Variants in ATP13A4 observed in about 807,000 individuals in gnomAD.
The protein encoded by ATP13A4 is ATPase 13A4, also known as probable cation-transporting ATPase 13A4.
Under a neutral mutation model 142.5 loss-of-function variants are expected in ATP13A4, and 114 were observed. The observed-to-expected ratio is 0.80, with a 90% CI of 0.69 to 0.93. The LOEUF (loss-of-function observed/expected upper bound fraction) is 0.93, where lower values mean the gene tolerates loss of function less well. Ranked by LOEUF, ATP13A4 falls within the 40% of genes least tolerant of loss-of-function variation. The probability of loss-of-function intolerance (pLI) is 0.00; values close to 1 mark genes in which losing one functional copy is unlikely to be tolerated. For synonymous variants in ATP13A4, 488 were observed against 514.8 expected, an observed-to-expected ratio of 0.95 and a Z score of 0.70; for missense variants, 1,392 against 1,454.0, an observed-to-expected ratio of 0.96 and a Z score of 0.69.
chr3:193,551,040 C>A (rs1349777906), intron 1 of ATP13A4, among the ~76,000 whole-genome samples: 1 of 152,210 alleles, frequency 6.6e-6, no homozygotes, highest in Non-Finnish European at 1.5e-5. Flanking sequence ...TAGGTGTTTT[C>A]CCAACGTATG....
chr3:193,442,158 T>C (rs1182640202), intron 19 of ATP13A4, among the ~76,000 whole-genome samples: 1 of 152,198 alleles, frequency 6.6e-6, no homozygotes, highest in East Asian at 1.9e-4. Context: ...TTCTTTCTCA[T>C]ATAGGGACAA....
chr3:193,568,764 A>G (rs949038762), intron 2 of ATP13A4, among the ~76,000 whole-genome samples: 2 of 152,172 alleles, frequency 1.3e-5, no homozygotes, highest in African/African-American at 4.8e-5. Context: ...TAAAAAAATT[A>G]ATGAGGATGG....
At chr3:193,410,582 C>CA (rs1714718348) in intron 28 of ATP13A4, among the ~76,000 whole-genome samples, 1 of 152,004 alleles carries the variant, frequency 6.6e-6, no homozygotes, top group African/African-American at 2.4e-5. Flanking sequence ...AGCTGGGCAT[C>CA]ATGGCACACT....
intron 7 of ATP13A4, among the ~76,000 whole-genome samples, chr3:193,485,914 G>C (rs1719585980): frequency 1.5e-5 from 2 of 131,342 alleles, no homozygotes; most frequent in South Asian, 5.2e-4. Flanking sequence ...AAATTCTGTT[G>C]CTTATAAGCC....
At chr3:193,412,503 G>C in intron 26 of ATP13A4, 132 bp from the exon 27 acceptor site, 1 of 511,276 alleles carries the variant, frequency 2.0e-6, no homozygotes, top group Non-Finnish European at 3.6e-6. Flanking sequence ...CTGTGCTTTG[G>C]AAAACACACA....
At chr3:193,406,426 T>C (rs1181144228) in intron 29 of ATP13A4, among the ~76,000 whole-genome samples, 3 of 152,162 alleles carry the variant, frequency 2.0e-5, no homozygotes, top group African/African-American at 7.2e-5. Flanking sequence ...AGAGCAGAAA[T>C]AGAGACAGAT....
intron 2 of ATP13A4, among the ~76,000 whole-genome samples, chr3:193,561,906 G>T (rs77475832): frequency 0.032 from 4,801 of 152,188 alleles, 88 homozygotes; most frequent in African/African-American, 0.041. Flanking sequence ...CACGCAACCG[G>T]ACTACCTATG....
intron 1 of ATP13A4, among the ~76,000 whole-genome samples, chr3:193,539,641 C>T (rs1722776046): frequency 1.3e-5 from 2 of 152,176 alleles, no homozygotes; most frequent in African/African-American, 4.8e-5. Flanking sequence ...CCTCTCAGCA[C>T]CCTGAGCCTT....
chr3:193,545,387 T>TG (rs1723161500), intron 1 of ATP13A4, among the ~76,000 whole-genome samples: 1 of 152,094 alleles, frequency 6.6e-6, no homozygotes, highest in African/African-American at 2.4e-5. Flanking sequence ...TCAGGACATT[T>TG]GGGCCTCCTC....
At chr3:193,515,953 A>G (rs1721390462) in intron 1 of ATP13A4, among the ~76,000 whole-genome samples, 1 of 152,194 alleles carries the variant, frequency 6.6e-6, no homozygotes, top group Non-Finnish European at 1.5e-5. Flanking sequence ...TTTATTCCTC[A>G]GTTTGTCTTC....
At chr3:193,436,225 T>C (rs1461930122) in intron 23 of ATP13A4, among the ~76,000 whole-genome samples, 3 of 152,192 alleles carry the variant, frequency 2.0e-5, no homozygotes, top group Non-Finnish European at 4.4e-5. Flanking sequence ...ATTTTGGCAG[T>C]CCCAACTTTT....
intron 14 of ATP13A4, 133 bp downstream of exon 14, chr3:193,458,948 G>T (rs1717791389): frequency 1.6e-6 from 2 of 1,226,764 alleles, no homozygotes; most frequent in Admixed American, 3.4e-5. Context: ...CCTTAGATTG[G>T]TTTGCCCTTC....
chr3:193,448,421 G>A, intron 17 of ATP13A4, 91 bp from the exon 18 acceptor site: 1 of 1,516,342 alleles, frequency 6.6e-7, no homozygotes, highest in Admixed American at 1.7e-5. Flanking sequence ...ATCCAGGCTG[G>A]AGGACAGTGG....
chr3:193,590,394 C>G (rs1315900340), intron 1 of ATP13A4, among the ~76,000 whole-genome samples: 1 of 152,062 alleles, frequency 6.6e-6, no homozygotes, highest in Non-Finnish European at 1.5e-5. Flanking sequence ...AAAAAGCAGT[C>G]TTAGATTCTA....
At chr3:193,573,765 C>T (rs1339748839) in intron 2 of ATP13A4, among the ~76,000 whole-genome samples, 1 of 152,138 alleles carries the variant, frequency 6.6e-6, no homozygotes, top group Non-Finnish European at 1.5e-5. Context: ...TTCATTCTTC[C>T]AAAATCGATT....
intron 25 of ATP13A4, among the ~76,000 whole-genome samples, chr3:193,423,388 T>A (rs1214909887): frequency 2.7e-5 from 4 of 148,028 alleles, no homozygotes; most frequent in Non-Finnish European, 4.5e-5. Context: ...AAGGACACAA[T>A]AAAAAAGGGC....
chr3:193,539,373 C>T lies in ATP13A4; in HGVS notation c.60+15367G>A, dbSNP rs139218394. 5.3e-5 allele frequency among the ~76,000 whole-genome samples: 8 copies of T among 152,322 alleles called. No homozygotes were observed. The South Asian group carries it at 8.3e-4, about 16-fold the overall frequency. ...CCTATCTACCAAGGCGTTCCTGCAG[C>T]AAGGTCAAGAAACTATGCCTGTGGC... is the stretch of plus-strand genomic sequence containing the variant. On this transcript the variant is annotated intron_variant, in intron 1 of 29. Coordinates refer to ENST00000342695, the MANE Select transcript of ATP13A4 (RefSeq NM_032279.4).
chr3:193,586,050 G>A (rs1724659985), intron 1 of ATP13A4, among the ~76,000 whole-genome samples: 1 of 149,940 alleles, frequency 6.7e-6, no homozygotes. Context: ...GGCCAAATAT[G>A]TATATAAAAT....
chr3:193,430,540 T>C (rs1293387527), intron 25 of ATP13A4, among the ~76,000 whole-genome samples: 1 of 152,154 alleles, frequency 6.6e-6, no homozygotes, highest in Non-Finnish European at 1.5e-5. Flanking sequence ...AACTGGCTTC[T>C]TCACTATTAA....
Sources: allele counts gnomAD v4.1 joint callset (sites outside exome capture counted in the v4.1 genomes callset), GRCh38; gene constraint gnomAD v4.1.1; transcripts MANE v1.5; gene names NCBI Gene and HGNC (gene_info 2026-07-23, HGNC 2026-07-21).